The following NKAIN2 variants were observed in gnomAD, a reference collection of about 807,000 sequenced individuals.
NKAIN2 encodes sodium/potassium-transporting ATPase subunit beta-1-interacting protein 2.
NKAIN2 carries 14 observed loss-of-function variants against 32.6 expected under a neutral mutation model. That is an observed-to-expected ratio of 0.43 (90% confidence interval 0.28 to 0.67). NKAIN2 has a LOEUF of 0.67. Among genes scored for constraint, NKAIN2 ranks in the 30% least tolerant of loss-of-function variants. The pLI is 0.17. For missense variants in NKAIN2, 198 were observed against 258.3 expected, an observed-to-expected ratio of 0.77 and a Z score of 1.60; for synonymous variants, 80 against 87.2, an observed-to-expected ratio of 0.92 and a Z score of 0.46.
At chr6:124,441,870 G>A (rs1431331227) in intron 3 of NKAIN2, among the ~76,000 whole-genome samples, 2 of 151,874 alleles carry the variant, frequency 1.3e-5, no homozygotes, top group African/African-American at 4.8e-5. Context: ...TTCCTTCAAG[G>A]GATAGTGCTA....
chr6:124,341,077 TA>T (rs1798092704), intron 2 of NKAIN2, among the ~76,000 whole-genome samples: 2 of 152,212 alleles, frequency 1.3e-5, no homozygotes, highest in African/African-American at 4.8e-5. Flanking sequence ...CTAACATTGA[TA>T]GTCTGTCTTA....
At chr6:124,048,050 G>A (rs1301094081) in intron 1 of NKAIN2, among the ~76,000 whole-genome samples, 1 of 151,964 alleles carries the variant, frequency 6.6e-6, no homozygotes. Flanking sequence ...TCTTTGGCAT[G>A]TTTTATATTT....
chr6:123,878,835 C>A (rs561891519), intron 1 of NKAIN2, among the ~76,000 whole-genome samples: 6 of 152,098 alleles, frequency 3.9e-5, no homozygotes, highest in Admixed American at 3.9e-4. Flanking sequence ...CAACCTCCCC[C>A]TCCTCCCTGC....
Position 124,486,469 on chromosome 6 carries a change from A to G in NKAIN2, c.273+131122A>G, listed in dbSNP as rs60153431. 3.9e-3 allele frequency among the ~76,000 whole-genome samples: 588 copies of G among 152,196 alleles called. 4 individuals are homozygous for G. Among genetic ancestry groups the G allele is most frequent in the African/African-American group, 0.014 (561 of 41,526 alleles). Reference sequence around the variant, plus strand: ...TTCAGATTTCTGTGTATTATTCTGTATTTTGGAATATTGATAATGGGACTT... The same window carrying G: ...TTCAGATTTCTGTGTATTATTCTGTGTTTTGGAATATTGATAATGGGACTT... On this transcript the variant is annotated intron_variant, in intron 3 of 6. Transcript: ENST00000368417.
chr6:124,745,928 A>G (rs1367079680), intron 4 of NKAIN2, among the ~76,000 whole-genome samples: 1 of 151,906 alleles, frequency 6.6e-6, no homozygotes, highest in Non-Finnish European at 1.5e-5. Flanking sequence ...TATTAACTGA[A>G]TGTCAAAGGC....
At chr6:124,784,087 T>C (rs555521191) in intron 4 of NKAIN2, among the ~76,000 whole-genome samples, 1 of 152,204 alleles carries the variant, frequency 6.6e-6, no homozygotes, top group Non-Finnish European at 1.5e-5. Context: ...TTTAGATATA[T>C]TTATAACTCA....
At chr6:124,483,946 A>C (rs1237703255) in intron 3 of NKAIN2, among the ~76,000 whole-genome samples, 2 of 152,246 alleles carry the variant, frequency 1.3e-5, no homozygotes, top group Non-Finnish European at 2.9e-5. Context: ...GAATTTTGCT[A>C]TGAAATCTTT....
At chr6:124,285,231 C>CA (rs1356367862) in intron 2 of NKAIN2, among the ~76,000 whole-genome samples, 4 of 152,004 alleles carry the variant, frequency 2.6e-5, no homozygotes, top group Admixed American at 1.3e-4. Context: ...AAATGATAAA[C>CA]TTTTTTTTCC....
chr6:124,100,272 A>G (rs913702443), intron 1 of NKAIN2, among the ~76,000 whole-genome samples: 5 of 152,218 alleles, frequency 3.3e-5, no homozygotes, highest in Non-Finnish European at 7.3e-5. Context: ...AAAGTAATTT[A>G]AATCTAAAAA....
chr6:124,524,787 T>A (rs1311915754), intron 3 of NKAIN2, among the ~76,000 whole-genome samples: 2 of 152,220 alleles, frequency 1.3e-5, no homozygotes, highest in Admixed American at 6.5e-5. Flanking sequence ...TAGTTCTCTG[T>A]GCTTTTGAAT....
At chr6:124,565,473 T>C (rs904383339) in intron 3 of NKAIN2, among the ~76,000 whole-genome samples, 20 of 152,236 alleles carry the variant, frequency 1.3e-4, no homozygotes, top group Non-Finnish European at 2.8e-4. Context: ...GATATGTCGA[T>C]TGCCATTCTA....
chr6:124,037,017 C>G (rs952417315), intron 1 of NKAIN2, among the ~76,000 whole-genome samples: 4 of 152,122 alleles, frequency 2.6e-5, no homozygotes, highest in African/African-American at 7.2e-5. Flanking sequence ...CAGGTTAGAA[C>G]TGACAAGCCT....
intron 4 of NKAIN2, among the ~76,000 whole-genome samples, chr6:124,674,052 T>C (rs1185720241): frequency 6.6e-6 from 1 of 152,006 alleles, no homozygotes; most frequent in Non-Finnish European, 1.5e-5. Context: ...ATATATTAGT[T>C]CAGTTTCTTT....
At chr6:123,916,024 T>G (rs936890457) in intron 1 of NKAIN2, among the ~76,000 whole-genome samples, 1 of 152,170 alleles carries the variant, frequency 6.6e-6, no homozygotes, top group Admixed American at 6.6e-5. Context: ...CCAAAGCTCT[T>G]TTTAAAAACA....
At chr6:124,132,731 A>G (rs542303737) in intron 1 of NKAIN2, among the ~76,000 whole-genome samples, 69 of 152,290 alleles carry the variant, frequency 4.5e-4, no homozygotes, top group African/African-American at 1.7e-3. Context: ...CCACCAGGGC[A>G]GGTGTTAATA....
intron 4 of NKAIN2, among the ~76,000 whole-genome samples, chr6:124,684,355 T>C (rs1179935600): frequency 1.3e-5 from 2 of 152,160 alleles, no homozygotes; most frequent in Non-Finnish European, 2.9e-5. Context: ...ACCAGGGATA[T>C]TGCTAAAAAT....
At chr6:124,398,022 G>A (rs1160446146) in intron 3 of NKAIN2, among the ~76,000 whole-genome samples, 1 of 151,854 alleles carries the variant, frequency 6.6e-6, no homozygotes, top group Non-Finnish European at 1.5e-5. Flanking sequence ...GGGAGGCCGA[G>A]GCGGGCGGAT....
intron 1 of NKAIN2, among the ~76,000 whole-genome samples, chr6:124,249,529 G>A (rs945533966): frequency 2.0e-5 from 3 of 152,034 alleles, no homozygotes; most frequent in South Asian, 2.1e-4. Context: ...TAGTATGATG[G>A]ATTAGTTACC....
At chr6:124,759,589 A>G (rs1474559177) in intron 4 of NKAIN2, among the ~76,000 whole-genome samples, 1 of 4,052 alleles carries the variant, frequency 2.5e-4, no homozygotes, top group Admixed American at 2.2e-3. Flanking sequence ...TGAAATTGCA[A>G]CACACACACA....
Sources: allele counts gnomAD v4.1 joint callset (sites outside exome capture counted in the v4.1 genomes callset), GRCh38; gene constraint gnomAD v4.1.1; transcripts MANE v1.5; gene names NCBI Gene and HGNC (gene_info 2026-07-23, HGNC 2026-07-21).